The following OPCML variants were observed in gnomAD, a reference collection of about 807,000 sequenced individuals.
The protein encoded by OPCML is opioid-binding protein/cell adhesion molecule.
Under a neutral mutation model 37.8 loss-of-function variants are expected in OPCML, and 13 were observed. That is an observed-to-expected ratio of 0.34 (90% CI 0.22 to 0.55). OPCML has a LOEUF of 0.55. OPCML is among the 20% of genes least tolerant of loss of function. The probability of loss-of-function intolerance (pLI) is 0.91; values close to 1 mark genes in which losing one functional copy is unlikely to be tolerated. For missense variants in OPCML, 341 were observed against 435.6 expected, an observed-to-expected ratio of 0.78 and a Z score of 1.93; for synonymous variants, 176 against 168.8, an observed-to-expected ratio of 1.04 and a Z score of -0.33.
chr11:133,364,074 C>T (rs1944483011), intron 1 of OPCML, among the ~76,000 whole-genome samples: 1 of 152,158 alleles, frequency 6.6e-6, no homozygotes, highest in Non-Finnish European at 1.5e-5. Flanking sequence ...TGCGGTAAGT[C>T]CCAGCTCCAA....
At chr11:132,695,688 C>T (rs1943575320) in intron 2 of OPCML, among the ~76,000 whole-genome samples, 1 of 152,162 alleles carries the variant, frequency 6.6e-6, no homozygotes, top group Non-Finnish European at 1.5e-5. Flanking sequence ...TCACTAGACA[C>T]ATCTATTGGC....
At chr11:132,436,286 C>T (rs2096012769) in intron 6 of OPCML, 49 bp from the exon 7 acceptor site, 4 of 1,612,842 alleles carry the variant, frequency 2.5e-6, no homozygotes, top group Admixed American at 1.7e-5. Context: ...AAGAGGCCCT[C>T]CTCCTCACCA....
At chr11:133,075,551 GC>G (rs1948608641) in intron 1 of OPCML, among the ~76,000 whole-genome samples, 1 of 152,188 alleles carries the variant, frequency 6.6e-6, no homozygotes, top group Non-Finnish European at 1.5e-5. Context: ...GCCGGACACT[GC>G]CAGGTGCACA....
At chr11:132,825,347 C>T (rs1185912541) in intron 2 of OPCML, among the ~76,000 whole-genome samples, 1 of 152,168 alleles carries the variant, frequency 6.6e-6, no homozygotes, top group Non-Finnish European at 1.5e-5. Context: ...CTCAACTATG[C>T]CTGCCCTGAT....
At chr11:132,771,445 G>A (rs892611617) in intron 2 of OPCML, among the ~76,000 whole-genome samples, 1 of 152,164 alleles carries the variant, frequency 6.6e-6, no homozygotes, top group African/African-American at 2.4e-5. Flanking sequence ...AAATAGACCA[G>A]TGACTTACTA....
intron 3 of OPCML, among the ~76,000 whole-genome samples, chr11:132,543,957 C>A (rs975240185): frequency 6.6e-6 from 1 of 152,068 alleles, no homozygotes; most frequent in East Asian, 1.9e-4. Context: ...TCCACATTTT[C>A]TTACTCTTGA....
At chr11:133,156,830 G>A (rs993994933) in intron 1 of OPCML, among the ~76,000 whole-genome samples, 13 of 152,032 alleles carry the variant, frequency 8.6e-5, no homozygotes, top group Non-Finnish European at 1.3e-4. Flanking sequence ...GTAGAGTTTC[G>A]TTTTGTTGTT....
intron 3 of OPCML, among the ~76,000 whole-genome samples, chr11:132,614,458 C>A (rs1938863539): frequency 6.6e-6 from 1 of 152,154 alleles, no homozygotes; most frequent in African/African-American, 2.4e-5. Flanking sequence ...GGCAGTGACA[C>A]CTTCCTCTTC....
At chr11:133,253,076 G>A (rs1489193800) in intron 1 of OPCML, among the ~76,000 whole-genome samples, 2 of 149,262 alleles carry the variant, frequency 1.3e-5, no homozygotes, top group African/African-American at 2.5e-5. Flanking sequence ...AAACCGGGAG[G>A]AAGAGCTTTC....
chr11:132,943,462 G>T lies in OPCML; in HGVS notation c.62-452C>A. 3.2e-6 allele frequency: 1 copy of T among 316,054 alleles called. No homozygotes were observed. The highest frequency in any genetic ancestry group is 6.1e-6 in the Non-Finnish European group (1 of 165,084). 19.6% of individuals were successfully genotyped at this position (316,054 alleles called of 1,614,324 possible). On this transcript the variant is annotated intron_variant, in intron 1 of 7. Transcript: ENST00000524381. This position sits in a 1 kb window ranked among gnomAD's most constrained non-coding sequence, Gnocchi z 4.3. ...CGAGACGCTACTTTAAGATTCAGTT[G>T]GGCACGTTCTGCAGAGCTCTGGCAT...
rs548976962 is a variant in OPCML, at chr11:133,322,438, G to A, written c.61+209826C>T. Among the ~76,000 whole-genome samples the A allele has an allele frequency of 4.6e-5, 7 of 152,224 alleles. No homozygotes were observed. The South Asian group carries it at 8.3e-4, about 18-fold the overall frequency. Reference sequence around the variant, plus strand: ...GGGATATGCAAACAAATCGTCTGGCGATCTTTTTCAAACACAAATGCTTAG... The same window carrying A: ...GGGATATGCAAACAAATCGTCTGGCAATCTTTTTCAAACACAAATGCTTAG... On this transcript the variant is annotated intron_variant, in intron 1 of 7. Coordinates refer to ENST00000524381, the MANE Select transcript of OPCML (RefSeq NM_001012393.5).
chr11:133,348,679 A>G (rs1197706070), intron 1 of OPCML, among the ~76,000 whole-genome samples: 2 of 152,226 alleles, frequency 1.3e-5, no homozygotes, highest in Non-Finnish European at 2.9e-5. Flanking sequence ...GCTATGCTAG[A>G]AGGTGATCTA....
intron 3 of OPCML, among the ~76,000 whole-genome samples, chr11:132,585,922 C>A (rs1433882888): frequency 6.6e-6 from 1 of 152,162 alleles, no homozygotes; most frequent in Non-Finnish European, 1.5e-5. Context: ...TCTCAAACAT[C>A]CACACATTTG....
chr11:133,127,069 T>A (rs556134792), intron 1 of OPCML, among the ~76,000 whole-genome samples: 1 of 152,138 alleles, frequency 6.6e-6, no homozygotes. Context: ...AATGAGAGTA[T>A]CTGTAAACCT....
At chr11:132,433,847 C>G (rs1450168425) in intron 7 of OPCML, among the ~76,000 whole-genome samples, 3 of 152,226 alleles carry the variant, frequency 2.0e-5, no homozygotes, top group African/African-American at 7.2e-5. Flanking sequence ...CAGGAACCAC[C>G]TTGGCAGAAA....
intron 4 of OPCML, among the ~76,000 whole-genome samples, chr11:132,479,305 C>A (rs548420173): frequency 6.6e-6 from 1 of 152,308 alleles, no homozygotes; most frequent in Non-Finnish European, 1.5e-5. Context: ...CCAAATACTG[C>A]GCTTTTCCGA....
intron 1 of OPCML, among the ~76,000 whole-genome samples, chr11:132,944,167 G>T (rs1348452868): frequency 1.3e-5 from 2 of 152,098 alleles, no homozygotes; most frequent in East Asian, 3.9e-4. Context: ...GCCCCTCGCA[G>T]CGGCTTCCCC....
At chr11:133,159,490 T>A (rs1950112641) in intron 1 of OPCML, among the ~76,000 whole-genome samples, 1 of 152,204 alleles carries the variant, frequency 6.6e-6, no homozygotes, top group South Asian at 2.1e-4. Flanking sequence ...AGATTGTCAA[T>A]CTCACATTAG....
chr11:132,634,199 G>C (rs532817002), intron 3 of OPCML, among the ~76,000 whole-genome samples: 2 of 152,208 alleles, frequency 1.3e-5, no homozygotes, highest in Non-Finnish European at 2.9e-5. Flanking sequence ...GGCTTCCAGG[G>C]TGTCTCAGAA....
Sources: allele counts gnomAD v4.1 joint callset (sites outside exome capture counted in the v4.1 genomes callset), GRCh38; gene constraint gnomAD v4.1.1; non-coding constraint Gnocchi (gnomAD v3.1); transcripts MANE v1.5; gene names NCBI Gene and HGNC (gene_info 2026-07-23, HGNC 2026-07-21).